Variants in MEF2A observed in about 807,000 individuals in gnomAD.
MEF2A encodes the protein myocyte-specific enhancer factor 2A.
Under a neutral mutation model 55.8 loss-of-function variants are expected in MEF2A, and 28 were observed. The ratio of observed to expected loss-of-function variants is 0.50; its 90% CI spans 0.37 to 0.69. MEF2A has a LOEUF of 0.69. MEF2A is among the 30% of genes least tolerant of loss of function. The probability of loss-of-function intolerance (pLI) is 0.00; values close to 1 mark genes in which losing one functional copy is unlikely to be tolerated. For synonymous variants in MEF2A, 239 were observed against 227.1 expected, an observed-to-expected ratio of 1.05 and a Z score of -0.47; for missense variants, 528 against 626.2, an observed-to-expected ratio of 0.84 and a Z score of 1.67.
At chr15:99,629,227 G>A (rs2153380935) in intron 2 of MEF2A, among the ~76,000 whole-genome samples, 1 of 152,268 alleles carries the variant, frequency 6.6e-6, no homozygotes, top group South Asian at 2.1e-4. Context: ...GAGGTCAGGA[G>A]ATCGAGACCG....
At chr15:99,623,878 G>A (rs1430290144) in intron 2 of MEF2A, among the ~76,000 whole-genome samples, 1 of 151,556 alleles carries the variant, frequency 6.6e-6, no homozygotes, top group African/African-American at 2.4e-5. Context: ...TGCGATCATG[G>A]CTCACTGCAA....
In MEF2A at chr15:99,698,595, C is replaced by G. The variant is rs113621808; in HGVS notation, c.859-4767C>G. Among the ~76,000 whole-genome samples the G allele has an allele frequency of 5.9e-3, 893 of 152,034 alleles. 7 individuals are homozygous for G. The highest frequency in any genetic ancestry group is 0.019 in the African/African-American group (797 of 41,484). ...ATAACCTGAGGTTGGGAGTTCGAGACCAGCCTGATCAACATGGAGAAACCC... is the reference window on the plus strand; with the variant it reads ...ATAACCTGAGGTTGGGAGTTCGAGAGCAGCCTGATCAACATGGAGAAACCC... On this transcript the variant is annotated intron_variant, in intron 8 of 11. Transcript: ENST00000557942.
chr15:99,619,271 A>C (rs145885318), intron 2 of MEF2A, among the ~76,000 whole-genome samples: 2,306 of 152,262 alleles, frequency 0.015, 21 homozygotes, highest in Non-Finnish European at 0.025. Flanking sequence ...TGCGCCTCAG[A>C]CTAGCTGCTC....
At chr15:99,706,212 C>T (rs1419690955) in intron 9 of MEF2A, among the ~76,000 whole-genome samples, 1 of 152,250 alleles carries the variant, frequency 6.6e-6, no homozygotes, top group African/African-American at 2.4e-5. Context: ...AATAGGTCAA[C>T]TGCATGATTG....
intron 1 of MEF2A, among the ~76,000 whole-genome samples, chr15:99,583,440 C>T (rs144108741): frequency 2.6e-5 from 4 of 152,138 alleles, no homozygotes; most frequent in African/African-American, 9.6e-5. Flanking sequence ...CATATTTGGC[C>T]ATTATGTGAA....
At chr15:99,577,690 A>G (rs143279519) in intron 1 of MEF2A, among the ~76,000 whole-genome samples, 2 of 152,156 alleles carry the variant, frequency 1.3e-5, no homozygotes, top group African/African-American at 2.4e-5. Context: ...TATCTGTTCT[A>G]AGTTCTAAGT....
intron 2 of MEF2A, among the ~76,000 whole-genome samples, chr15:99,614,907 GT>G (rs1413438406): frequency 6.6e-6 from 1 of 152,164 alleles, no homozygotes; most frequent in Non-Finnish European, 1.5e-5. Context: ...GGAATGAGGA[GT>G]TCCATGAGTA....
At chr15:99,664,034 G>C (rs551004111) in intron 4 of MEF2A, among the ~76,000 whole-genome samples, 25 of 152,222 alleles carry the variant, frequency 1.6e-4, no homozygotes, top group African/African-American at 6.0e-4. Flanking sequence ...GATTTTTGTT[G>C]GGGTAGATAC....
chr15:99,628,468 C>G (rs924775907), intron 2 of MEF2A, among the ~76,000 whole-genome samples: 1 of 152,044 alleles, frequency 6.6e-6, no homozygotes, highest in Non-Finnish European at 1.5e-5. Context: ...TTAAATCTGT[C>G]ATCTCTGTTT....
At chr15:99,611,669 C>A (rs550152305) in intron 2 of MEF2A, among the ~76,000 whole-genome samples, 1 of 152,182 alleles carries the variant, frequency 6.6e-6, no homozygotes, top group African/African-American at 2.4e-5. Flanking sequence ...CTGCTCCTAG[C>A]GATATATCTG....
chr15:99,632,785 G>A (rs1005665226), intron 2 of MEF2A, among the ~76,000 whole-genome samples, 193 bp from the exon 3 acceptor site: 2 of 152,120 alleles, frequency 1.3e-5, no homozygotes, highest in African/African-American at 4.8e-5. Flanking sequence ...CAGAACTAGA[G>A]ACACAAAGAG....
chr15:99,680,992 ATTTG>A (rs1022384169), intron 7 of MEF2A, among the ~76,000 whole-genome samples: 8 of 152,108 alleles, frequency 5.3e-5, no homozygotes, highest in Admixed American at 5.2e-4. Context: ...TAATTTGCTT[ATTTG>A]TTTATGATTT....
rs768547524 is a variant in MEF2A at position 99,706,864 on chromosome 15, G to T, written c.1009+9G>T. The T allele has an allele frequency of 1.2e-6, 2 of 1,612,670 alleles. No homozygotes were observed. The highest frequency in any genetic ancestry group is 2.2e-5 in the South Asian group (2 of 90,932). ...GACTGCCTACAACACTGGTGAGCCT[G>T]CTCTGGTGCCTTCCGTAGGTTTTAC... On this transcript the variant is annotated intron_variant, in intron 10 of 11. Coordinates refer to ENST00000557942, the MANE Select transcript of MEF2A (RefSeq NM_001319206.4).
At chr15:99,649,956 C>G (rs1001739384) in intron 4 of MEF2A, among the ~76,000 whole-genome samples, 2 of 152,064 alleles carry the variant, frequency 1.3e-5, no homozygotes, top group African/African-American at 4.8e-5. Flanking sequence ...ATAGCCGTGA[C>G]TTGGTAACAT....
At chr15:99,675,377 C>G in intron 6 of MEF2A, 22 bp from the exon 7 acceptor site, 1 of 1,610,250 alleles carries the variant, frequency 6.2e-7, no homozygotes, top group Non-Finnish European at 8.5e-7. Context: ...TGCCCTCTGT[C>G]TTCTCTCCGT....
chr15:99,596,106 T>C (rs1448256816), intron 1 of MEF2A, among the ~76,000 whole-genome samples: 1 of 152,308 alleles, frequency 6.6e-6, no homozygotes, highest in East Asian at 1.9e-4. Flanking sequence ...GTATTGTCTT[T>C]TAGAAACTAC....
intron 3 of MEF2A, among the ~76,000 whole-genome samples, chr15:99,637,234 T>A (rs965644018): frequency 2.6e-5 from 4 of 151,940 alleles, no homozygotes; most frequent in African/African-American, 9.7e-5. Flanking sequence ...AATTTAGATA[T>A]TTTTTTTCCA....
At chr15:99,669,383 TC>T (rs1167442593) in intron 4 of MEF2A, among the ~76,000 whole-genome samples, 1 of 152,208 alleles carries the variant, frequency 6.6e-6, no homozygotes. Context: ...TTCAATGTGT[TC>T]CAGTGTTCTG....
chr15:99,595,281 G>T (rs184825047), intron 1 of MEF2A, among the ~76,000 whole-genome samples: 18 of 152,268 alleles, frequency 1.2e-4, no homozygotes, highest in Non-Finnish European at 1.3e-4. Context: ...TGCTGCTCTT[G>T]TAGTTGTTGT....
Sources: gnomAD v4.1 joint callset for allele counts (sites outside exome capture counted in the v4.1 genomes callset) on GRCh38, gnomAD v4.1.1 for gene constraint, MANE v1.5 for transcripts, NCBI Gene and HGNC (gene_info 2026-07-23, HGNC 2026-07-21) for gene names.